Variants in PARP8 observed in about 807,000 individuals in gnomAD.
The protein encoded by PARP8 is protein mono-ADP-ribosyltransferase PARP8.
A neutral mutation model predicts 124.1 loss-of-function variants in PARP8; 51 were observed. That is an observed-to-expected ratio of 0.41 (90% CI 0.33 to 0.52). The LOEUF (loss-of-function observed/expected upper bound fraction) is 0.52. Among genes scored for constraint, PARP8 ranks in the 20% least tolerant of loss-of-function variants. The pLI is 0.21. For synonymous variants in PARP8, 391 were observed against 361.5 expected (o/e 1.08, Z -0.93); for missense variants, 860 against 1,018.9 (o/e 0.84, Z 2.12).
chr5:50,687,589 C>T (rs1473297564), intron 2 of PARP8, among the ~76,000 whole-genome samples: 1 of 152,130 alleles, frequency 6.6e-6, no homozygotes, highest in African/African-American at 2.4e-5. Flanking sequence ...AAGTCCACCC[C>T]AGACTGGGCA....
chr5:50,822,043 T>C (rs1580461170), intron 16 of PARP8, among the ~76,000 whole-genome samples: 1 of 152,222 alleles, frequency 6.6e-6, no homozygotes. Context: ...CTTAGTGTTT[T>C]AGTGGTGAAA....
chr5:50,680,359 C>G (rs146007422), intron 2 of PARP8, among the ~76,000 whole-genome samples: 1 of 151,870 alleles, frequency 6.6e-6, no homozygotes, highest in Non-Finnish European at 1.5e-5. Context: ...GGGGAACAGA[C>G]GGGTGAATGA....
intron 2 of PARP8, among the ~76,000 whole-genome samples, chr5:50,702,571 G>A (rs575768525): frequency 6.6e-6 from 1 of 152,128 alleles, no homozygotes; most frequent in African/African-American, 2.4e-5. Context: ...TAGAAGATGA[G>A]GCTCTTGCTT....
At chr5:50,692,979 G>A (rs2149463370) in intron 2 of PARP8, among the ~76,000 whole-genome samples, 1 of 152,204 alleles carries the variant, frequency 6.6e-6, no homozygotes, top group Non-Finnish European at 1.5e-5. Context: ...GCTCAGGAAA[G>A]GAGTTCTTAA....
At chr5:50,816,108 C>G (rs1745074510) in intron 15 of PARP8, among the ~76,000 whole-genome samples, 1 of 151,916 alleles carries the variant, frequency 6.6e-6, no homozygotes, top group South Asian at 2.1e-4. Context: ...CAACCACATA[C>G]AGAAACATAT....
intron 2 of PARP8, chr5:50,668,396 C>G (rs1007864344): frequency 2.4e-6 from 1 of 415,364 alleles, no homozygotes; most frequent in East Asian, 4.0e-5. Flanking sequence ...AGATTGCTCT[C>G]AGGCGATTTG....
chr5:50,751,952 G>A (rs1298325283), intron 3 of PARP8, among the ~76,000 whole-genome samples: 10 of 151,978 alleles, frequency 6.6e-5, no homozygotes, highest in East Asian at 1.9e-4. Flanking sequence ...TATAACTTAC[G>A]TGTTTGTTCT....
chr5:50,703,714 C>T (rs1385141727), intron 2 of PARP8, among the ~76,000 whole-genome samples: 1 of 152,006 alleles, frequency 6.6e-6, no homozygotes, highest in Non-Finnish European at 1.5e-5. Flanking sequence ...ATTCGTTTTC[C>T]AACCTGGGCA....
chr5:50,725,551 A>G (rs948367605), intron 2 of PARP8, among the ~76,000 whole-genome samples: 13 of 152,306 alleles, frequency 8.5e-5, no homozygotes, highest in African/African-American at 2.9e-4. Context: ...ATGTTCGGTC[A>G]GGGTATCTGT....
In PARP8 at chr5:50,667,654, C is replaced by T. The variant is rs112639637; in HGVS notation, c.92-417C>T. 1,970 of 699,668 alleles carry T rather than the reference C, an allele frequency of 2.8e-3. 9 individuals carry two copies. The highest frequency in any genetic ancestry group is 4.3e-3 in the Non-Finnish European group (1,652 of 384,382). 43.3% of individuals were successfully genotyped at this position (699,668 alleles called of 1,614,324 possible). A position where few individuals can be genotyped will look rare whatever the true frequency, so the allele number is the denominator to read the frequency against. ...CCGGGGGGCAGCGCTCGGCCCATCT[C>T]CGGCCCCTTCGGCTCCCTCTAGTCC... On this transcript the variant is annotated intron_variant, in intron 1 of 25. Transcript: ENST00000281631.
chr5:50,810,892 CATT>C (rs1019003000), intron 14 of PARP8, among the ~76,000 whole-genome samples: 1 of 151,988 alleles, frequency 6.6e-6, no homozygotes, highest in African/African-American at 2.4e-5. Flanking sequence ...AAATTAATCA[CATT>C]ATGACGTTTG....
At chr5:50,705,213 AAAG>A in intron 2 of PARP8, among the ~76,000 whole-genome samples, 1 of 152,194 alleles carries the variant, frequency 6.6e-6, no homozygotes, top group Non-Finnish European at 1.5e-5. Flanking sequence ...TAAAAGATAA[AAAG>A]AACATGTTAA....
chr5:50,796,162 A>T (rs1742526366), intron 12 of PARP8, among the ~76,000 whole-genome samples: 1 of 152,338 alleles, frequency 6.6e-6, no homozygotes, highest in Admixed American at 6.5e-5. Flanking sequence ...ATAGTTGATG[A>T]AAAGTTTTGT....
chr5:50,709,748 A>C (rs1366751020), intron 2 of PARP8, among the ~76,000 whole-genome samples: 1 of 151,632 alleles, frequency 6.6e-6, no homozygotes, highest in South Asian at 2.1e-4. Flanking sequence ...GTACTGTTGC[A>C]AAAATATAAA....
At chr5:50,743,712 C>T (rs1157628905) in intron 2 of PARP8, among the ~76,000 whole-genome samples, 1 of 151,206 alleles carries the variant, frequency 6.6e-6, no homozygotes, top group Non-Finnish European at 1.5e-5. Context: ...TGCATTCCAG[C>T]CTAGGTGACA....
chr5:50,695,762 G>T (rs190107764), intron 2 of PARP8, among the ~76,000 whole-genome samples: 13 of 152,206 alleles, frequency 8.5e-5, no homozygotes, highest in Non-Finnish European at 1.8e-4. Context: ...ACTGCAATTT[G>T]ATTTACATTT....
At chr5:50,733,923 A>G (rs1395234396) in intron 2 of PARP8, among the ~76,000 whole-genome samples, 3 of 152,184 alleles carry the variant, frequency 2.0e-5, no homozygotes, top group Admixed American at 6.5e-5. Flanking sequence ...ACTTCCCTCC[A>G]AAAGCGTAAC....
Position 50,842,202 on chromosome 5 carries a change from T to C in PARP8, c.*134T>C, listed in dbSNP as rs1395657495. The C allele has an allele frequency of 1.6e-6, 1 of 624,096 alleles. No homozygotes were observed. Among genetic ancestry groups the C allele is most frequent in the Non-Finnish European group, 2.8e-6 (1 of 363,540 alleles). 38.7% of individuals were successfully genotyped at this position (624,096 alleles called of 1,614,324 possible). A position where few individuals can be genotyped will look rare whatever the true frequency, so the allele number is the denominator to read the frequency against. On this transcript the variant is annotated 3_prime_UTR_variant, in exon 26 of 26. Transcript: ENST00000281631. ...ACCCTTTGAATACTGATTTTTTTTC[T>C]TAGTATTTCTAAGTATCTCATTAAA... is the stretch of plus-strand genomic sequence containing the variant.
chr5:50,818,590 G>A (rs1745386388), intron 15 of PARP8, among the ~76,000 whole-genome samples: 1 of 151,870 alleles, frequency 6.6e-6, no homozygotes, highest in Non-Finnish European at 1.5e-5. Flanking sequence ...TGTTGTCCGG[G>A]CTGGTCTTGA....
Sources: allele counts gnomAD v4.1 joint callset (sites outside exome capture counted in the v4.1 genomes callset), GRCh38; gene constraint gnomAD v4.1.1; transcripts MANE v1.5; gene names NCBI Gene and HGNC (gene_info 2026-07-23, HGNC 2026-07-21).